The following EIF3H variants were observed in gnomAD, a reference collection of about 807,000 sequenced individuals.
EIF3H encodes eIF-3-gamma.
In EIF3H, 26 loss-of-function variants were observed where a neutral mutation model predicts 44.2. The ratio of observed to expected loss-of-function variants is 0.59; its 90% CI spans 0.43 to 0.82. The LOEUF is 0.82. Ranked by LOEUF, EIF3H falls within the 40% of genes least tolerant of loss-of-function variation. The pLI is 0.00. For missense variants in EIF3H, 359 were observed against 432.8 expected (o/e 0.83, Z 1.51); for synonymous variants, 166 against 151.9 (o/e 1.09, Z -0.68).
intron 2 of EIF3H, among the ~76,000 whole-genome samples, chr8:116,715,237 C>CA (rs1814642352): frequency 6.6e-6 from 1 of 151,788 alleles, no homozygotes; most frequent in Admixed American, 6.6e-5. Context: ...AAAACTTAAA[C>CA]AAAATATGTT....
At chr8:116,705,994 C>T (rs1814463427) in intron 2 of EIF3H, among the ~76,000 whole-genome samples, 1 of 149,936 alleles carries the variant, frequency 6.7e-6, no homozygotes, top group African/African-American at 2.5e-5. Flanking sequence ...CACTTGTTTA[C>T]AAAGGTTATC....
intron 2 of EIF3H, among the ~76,000 whole-genome samples, chr8:116,672,784 C>A (rs1813778617): frequency 6.6e-6 from 1 of 152,004 alleles, no homozygotes; most frequent in Non-Finnish European, 1.5e-5. Flanking sequence ...AGAAAATCGG[C>A]CTCAAGATAA....
chr8:116,657,928 T>C (rs1267726885), intron 3 of EIF3H, among the ~76,000 whole-genome samples: 1 of 152,226 alleles, frequency 6.6e-6, no homozygotes, highest in Non-Finnish European at 1.5e-5. Flanking sequence ...TGATAACGGC[T>C]CTGGCATGCC....
At chr8:116,645,166 C>G in intron 7 of EIF3H, 63 bp from the exon 8 acceptor site, 1 of 1,294,510 alleles carries the variant, frequency 7.7e-7, no homozygotes, top group Non-Finnish European at 1.1e-6. Context: ...ATCCAGAAAG[C>G]TAGTCAAACA....
At chr8:116,695,910 G>A (rs1284365598) in intron 2 of EIF3H, among the ~76,000 whole-genome samples, 1 of 152,172 alleles carries the variant, frequency 6.6e-6, no homozygotes, top group African/African-American at 2.4e-5. Flanking sequence ...AGGGAGAAAA[G>A]TAGAATAAAC....
intron 2 of EIF3H, among the ~76,000 whole-genome samples, chr8:116,720,568 C>A (rs1024669364): frequency 1.3e-5 from 2 of 152,178 alleles, no homozygotes; most frequent in Non-Finnish European, 2.9e-5. Context: ...GCTGTAAATA[C>A]CCGAAAATGT....
intron 2 of EIF3H, among the ~76,000 whole-genome samples, chr8:116,680,968 T>C (rs1318238211): frequency 8.1e-6 from 1 of 123,866 alleles, no homozygotes; most frequent in Non-Finnish European, 1.6e-5. Context: ...GTGGAATTTA[T>C]AAATTAAAAA....
chr8:116,685,801 A>AT (rs1814066356), intron 2 of EIF3H, among the ~76,000 whole-genome samples: 1 of 152,172 alleles, frequency 6.6e-6, no homozygotes, highest in Non-Finnish European at 1.5e-5. Context: ...TTCAGTATAA[A>AT]TTGCCTTACA....
intron 1 of EIF3H, among the ~76,000 whole-genome samples, chr8:116,732,351 A>G (rs982851190): frequency 5.3e-5 from 8 of 152,322 alleles, no homozygotes; most frequent in African/African-American, 1.9e-4. Context: ...CAAATAAATA[A>G]CATTATAAGT....
chr8:116,725,788 CA>C (rs1814825217), intron 2 of EIF3H, among the ~76,000 whole-genome samples: 1 of 151,882 alleles, frequency 6.6e-6, no homozygotes, highest in Non-Finnish European at 1.5e-5. Context: ...CAATCTATGA[CA>C]AATCAGAATC....
At chr8:116,687,039 C>A (rs1390389362) in intron 2 of EIF3H, among the ~76,000 whole-genome samples, 1 of 152,114 alleles carries the variant, frequency 6.6e-6, no homozygotes, top group Non-Finnish European at 1.5e-5. Flanking sequence ...TGAAGAGTGA[C>A]ACTCAAACTT....
At chr8:116,692,109 T>C (rs963679450) in intron 2 of EIF3H, among the ~76,000 whole-genome samples, 1 of 152,144 alleles carries the variant, frequency 6.6e-6, no homozygotes, top group Non-Finnish European at 1.5e-5. Flanking sequence ...CTTCCTAGGA[T>C]CCCACTCTGG....
At chr8:116,646,673 C>T in intron 6 of EIF3H, 70 bp from the exon 7 acceptor site, 2 of 1,581,686 alleles carry the variant, frequency 1.3e-6, no homozygotes, top group Non-Finnish European at 1.7e-6. Context: ...TGTCCTTCCC[C>T]TACACAACCA....
intron 1 of EIF3H, among the ~76,000 whole-genome samples, chr8:116,739,060 A>G (rs1048963284): frequency 7.9e-5 from 12 of 152,230 alleles, no homozygotes; most frequent in African/African-American, 2.4e-4. Flanking sequence ...GATGGCCTTG[A>G]CACCCACACT....
intron 1 of EIF3H, among the ~76,000 whole-genome samples, chr8:116,749,885 A>C (rs1301945211): frequency 6.6e-6 from 1 of 152,286 alleles, no homozygotes; most frequent in African/African-American, 2.4e-5. Context: ...ATACAGAGGA[A>C]GTGATGAAAC....
chr8:116,757,723 ATT>A (rs749047527), upstream of EIF3H, among the ~76,000 whole-genome samples: 11 of 144,130 alleles, frequency 7.6e-5, no homozygotes, highest in African/African-American at 1.0e-4. Context: ...AGTTATGTTA[ATT>A]TTTTTTTTTT....
At chr8:116,651,122 C>G (rs1055741519) in intron 5 of EIF3H, among the ~76,000 whole-genome samples, 7 of 152,280 alleles carry the variant, frequency 4.6e-5, no homozygotes, top group Non-Finnish European at 1.0e-4. Context: ...CTAAAGTGTA[C>G]ATCTGAAAAG....
chr8:116,725,288 G>T (rs558565623), intron 2 of EIF3H, among the ~76,000 whole-genome samples: 32 of 152,298 alleles, frequency 2.1e-4, no homozygotes, highest in Non-Finnish European at 4.6e-4. Flanking sequence ...GGTGGAAAAA[G>T]GGATTGTTCG....
intron 2 of EIF3H, among the ~76,000 whole-genome samples, chr8:116,667,271 GAATGAAATTACCCTAACCCTAA>G (rs1813685579): frequency 6.6e-6 from 1 of 152,110 alleles, no homozygotes; most frequent in South Asian, 2.1e-4. Flanking sequence ...ACTTAACCCT[GAATGAAATTACCCTAACCCTAA>G]AATGAAATTT....
Sources: allele counts gnomAD v4.1 joint callset (sites outside exome capture counted in the v4.1 genomes callset), GRCh38; gene constraint gnomAD v4.1.1; transcripts MANE v1.5; gene names NCBI Gene and HGNC (gene_info 2026-07-23, HGNC 2026-07-21).